The following TLE1 variants were observed in gnomAD, a reference collection of about 807,000 sequenced individuals.
TLE1 encodes the protein TLE family member 1, transcriptional corepressor, also known as transducin-like enhancer protein 1.
In TLE1, 21 loss-of-function variants were observed where a neutral mutation model predicts 89.8. The ratio of observed to expected loss-of-function variants is 0.23; its 90% CI spans 0.17 to 0.34. The LOEUF (loss-of-function observed/expected upper bound fraction) is 0.34. Ranked by LOEUF, TLE1 falls within the 10% of genes least tolerant of loss-of-function variation. The pLI is 1.00. For synonymous variants in TLE1, 447 were observed against 407.6 expected (o/e 1.10, Z -1.16); for missense variants, 795 against 1,031.2 (o/e 0.77, Z 3.14).
At chr9:81,631,175 T>C (rs1272082231) in intron 8 of TLE1, among the ~76,000 whole-genome samples, 1 of 152,192 alleles carries the variant, frequency 6.6e-6, no homozygotes, top group Non-Finnish European at 1.5e-5. Context: ...AACCCACAGT[T>C]GCCTGTAACT....
chr9:81,687,272 G>C, intron 2 of TLE1, 62 bp downstream of exon 2: 2 of 1,428,454 alleles, frequency 1.4e-6, no homozygotes, highest in Non-Finnish European at 1.9e-6. Flanking sequence ...GCCGCCACCC[G>C]GCTGGGTGCA....
intron 4 of TLE1, among the ~76,000 whole-genome samples, chr9:81,672,610 A>G (rs1280771137): frequency 6.6e-6 from 1 of 152,134 alleles, no homozygotes; most frequent in Non-Finnish European, 1.5e-5. Flanking sequence ...AGTACTTTAC[A>G]GAGCAAAAAG....
chr9:81,642,909 G>T (rs947530940), intron 6 of TLE1, among the ~76,000 whole-genome samples: 9 of 152,184 alleles, frequency 5.9e-5, no homozygotes, highest in African/African-American at 1.9e-4. Flanking sequence ...TGAAAAAGAA[G>T]AAAATCCTAC....
chr9:81,585,208 T>TCC (rs1203835444), intron 18 of TLE1, among the ~76,000 whole-genome samples: 1 of 151,980 alleles, frequency 6.6e-6, no homozygotes, highest in Non-Finnish European at 1.5e-5. Context: ...TTCAATAAAT[T>TCC]CCCGCCCACC....
intron 6 of TLE1, among the ~76,000 whole-genome samples, chr9:81,650,115 TATA>T (rs2132596302): frequency 6.6e-6 from 1 of 152,330 alleles, no homozygotes; most frequent in African/African-American, 2.4e-5. Flanking sequence ...AACCTGCCTT[TATA>T]ATAACCTCCA....
At chr9:81,607,282 C>T (rs539524090) in intron 14 of TLE1, among the ~76,000 whole-genome samples, 1 of 152,204 alleles carries the variant, frequency 6.6e-6, no homozygotes, top group African/African-American at 2.4e-5. Flanking sequence ...AAGCCAAGGA[C>T]ATGAATACTT....
intron 4 of TLE1, among the ~76,000 whole-genome samples, chr9:81,680,440 G>A (rs564696211): frequency 6.6e-6 from 1 of 152,282 alleles, no homozygotes; most frequent in Non-Finnish European, 1.5e-5. Flanking sequence ...ATTTGGACAT[G>A]TTGTTCCTTG....
chr9:81,639,106 T>TA (rs1827769517), intron 6 of TLE1, among the ~76,000 whole-genome samples: 1 of 150,880 alleles, frequency 6.6e-6, no homozygotes, highest in Non-Finnish European at 1.5e-5. Context: ...AATTTTTTTT[T>TA]ATAGAGATGG....
At chr9:81,593,555 C>G (rs576280441) in intron 14 of TLE1, among the ~76,000 whole-genome samples, 1 of 152,044 alleles carries the variant, frequency 6.6e-6, no homozygotes, top group East Asian at 1.9e-4. Flanking sequence ...TAAAGCATTC[C>G]CTCAAATCTC....
intron 2 of TLE1, 59 bp downstream of exon 2, chr9:81,687,275 T>G: frequency 6.9e-7 from 1 of 1,447,526 alleles, no homozygotes; most frequent in Admixed American, 2.0e-5. Context: ...GCCACCCGGC[T>G]GGGTGCAAGG....
Position 81,611,838 on chromosome 9 carries a change from G to A in TLE1, c.1185C>T (p.His395=), listed in dbSNP as rs148132074. ...TSPGAAYASL[H]NMSPQMSAAA... The stretch of plus-strand genomic sequence containing the variant: ...CGGCGCTCATCTGGGGCGACATGTT[G>A]TGTAAACTGGCGTAGGCAGCGCCTG... The change falls in exon 13 of 20, where the codon CAC becomes CAT. Residue 395 remains histidine, a synonymous_variant. Transcript: ENST00000376499. 2 of 1,561,734 alleles carry A rather than the reference G, an allele frequency of 1.3e-6. No individual in the cohort carries two copies. The highest frequency in any genetic ancestry group is 2.0e-5 in the Admixed American group (1 of 49,642).
In TLE1 at chr9:81,611,754, C is replaced by G. The variant is rs370774622; in HGVS notation, c.1254+15G>C. 2.0e-6 allele frequency: 3 copies of G among 1,500,988 alleles called. No homozygotes were observed. The highest frequency in any genetic ancestry group is 1.5e-5 in the African/African-American group (1 of 68,078). 93.0% of individuals were successfully genotyped at this position (1,500,988 alleles called of 1,614,324 possible). A position where few individuals can be genotyped will look rare whatever the true frequency, so the allele number is the denominator to read the frequency against. Reference sequence around the variant, plus strand: ...CGTTCCTACCCCAACCACAGCCCACCCGACAGCGGCCTACCATGGGGGAGC... The same window carrying G: ...CGTTCCTACCCCAACCACAGCCCACGCGACAGCGGCCTACCATGGGGGAGC... On this transcript the variant is annotated intron_variant, in intron 13 of 19. Coordinates refer to ENST00000376499, the MANE Select transcript of TLE1 (RefSeq NM_005077.5).
chr9:81,628,610 G>A (rs1386974784), intron 8 of TLE1, among the ~76,000 whole-genome samples: 3 of 152,048 alleles, frequency 2.0e-5, no homozygotes, highest in Non-Finnish European at 4.4e-5. Context: ...CTAGAGAAGA[G>A]TAACAAAAGA....
chr9:81,643,151 T>C (rs548707021), intron 6 of TLE1, among the ~76,000 whole-genome samples: 1 of 152,142 alleles, frequency 6.6e-6, no homozygotes, highest in Non-Finnish European at 1.5e-5. Context: ...ATTTCCAAGG[T>C]ACAACACGGT....
At chr9:81,681,323 G>A (rs1377366674) in intron 4 of TLE1, among the ~76,000 whole-genome samples, 2 of 152,112 alleles carry the variant, frequency 1.3e-5, no homozygotes, top group African/African-American at 4.8e-5. Context: ...GCCGAGGCGG[G>A]GGGAATCACT....
intron 14 of TLE1, among the ~76,000 whole-genome samples, chr9:81,602,786 C>T (rs1378256019): frequency 2.0e-5 from 3 of 151,434 alleles, no homozygotes; most frequent in African/African-American, 7.3e-5. Context: ...ACCTTACTGA[C>T]AAAACTGGGC....
At position 81,664,863 on chromosome 9, in the gene TLE1, G is replaced by A. The variant is rs528093639; in HGVS notation, c.235-10827C>T. Among the ~76,000 whole-genome samples, 85 of 152,254 alleles carry A rather than the reference G, an allele frequency of 5.6e-4. 2 individuals carry two copies. The highest frequency in any genetic ancestry group is 2.0e-3 in the African/African-American group (84 of 41,548). On this transcript the variant is annotated intron_variant, in intron 4 of 19. Transcript: ENST00000376499. ...CCTGCGGAGTTCCTGTTGGAGTCTA[G>A]GCCTGAGAATATTCGTTTCTAACAA...
rs377274586 is a variant in TLE1 at position 81,663,618 on chromosome 9, T to C, written c.235-9582A>G. Among the ~76,000 whole-genome samples, 49 of 148,048 alleles carry C rather than the reference T, an allele frequency of 3.3e-4. 1 individual carries two copies. The highest frequency in any genetic ancestry group is 1.2e-3 in the African/African-American group (46 of 39,450). ...CCCTAGCAGAGGTATCCGCACAGAA[T>C]AGACTTTTTTTTTTTTTTTTTTGAG... On this transcript the variant is annotated intron_variant, in intron 4 of 19. Transcript: ENST00000376499.
intron 6 of TLE1, among the ~76,000 whole-genome samples, chr9:81,643,871 T>TA (rs1564016553): frequency 6.6e-6 from 1 of 152,088 alleles, no homozygotes; most frequent in East Asian, 1.9e-4. Flanking sequence ...CTAATCCACA[T>TA]AGGCCAACTC....
Sources: gnomAD v4.1 joint callset for allele counts (sites outside exome capture counted in the v4.1 genomes callset) on GRCh38, gnomAD v4.1.1 for gene constraint, MANE v1.5 for transcripts, NCBI Gene and HGNC (gene_info 2026-07-23, HGNC 2026-07-21) for gene names.